The following MR1 variants were observed in gnomAD, a reference collection of about 807,000 sequenced individuals.
MR1 encodes the protein major histocompatibility complex class I-related protein 1.
MR1 carries 44 observed loss-of-function variants against 37.8 expected under a neutral mutation model. That is an observed-to-expected ratio of 1.16 (90% confidence interval 0.91 to 1.50). MR1 has a LOEUF of 1.50. MR1 is among the 40% of genes most tolerant of loss of function. MR1 has a pLI of 0.00. For synonymous variants in MR1, 153 were observed against 155.8 expected (o/e 0.98, Z 0.13); for missense variants, 386 against 419.1 (o/e 0.92, Z 0.69).
At chr1:181,051,475 T>C (rs562640660) in intron 3 of MR1, among the ~76,000 whole-genome samples, 3 of 152,020 alleles carry the variant, frequency 2.0e-5, no homozygotes, top group Non-Finnish European at 4.4e-5. Flanking sequence ...GGTTGGCCGA[T>C]GATAAGGTGG....
At chr1:181,047,292 C>T (rs1237501514) in intron 1 of MR1, among the ~76,000 whole-genome samples, 2 of 151,550 alleles carry the variant, frequency 1.3e-5, no homozygotes, top group East Asian at 1.9e-4. Context: ...AGGAAAAGCA[C>T]TGTGCTTTAA....
chr1:181,034,151 C>T (rs1051963160), intron 1 of MR1, 77 bp downstream of exon 1: 23 of 1,439,816 alleles, frequency 1.6e-5, no homozygotes, highest in African/African-American at 2.9e-5. Context: ...CTTCCTAAAA[C>T]TTGTGGTGAA....
At chr1:181,037,999 C>G (rs1657362538) in intron 1 of MR1, among the ~76,000 whole-genome samples, 1 of 152,192 alleles carries the variant, frequency 6.6e-6, no homozygotes, top group Non-Finnish European at 1.5e-5. Context: ...CTCTGCTTTA[C>G]TTTTCTTCAT....
In MR1 at chr1:181,034,025, G is replaced by T; in HGVS notation, c.18G>T (p.Ala6=). 6.2e-7 allele frequency: 1 copy of T among 1,612,724 alleles called. No homozygotes were observed. The change falls in exon 1 of 6, where the codon GCG becomes GCT. Residue 6 remains alanine (A), a synonymous_variant. Transcript: ENST00000367580. MGELM[A]FLLPLIIVLM... is the part of the protein sequence containing the mutation. Reference sequence around the variant, plus strand: ...GAAGGACTATGGGGGAACTGATGGCGTTCCTGTTACCTCTCATCATTGTGT... The same window carrying T: ...GAAGGACTATGGGGGAACTGATGGCTTTCCTGTTACCTCTCATCATTGTGT...
chr1:181,053,771 G>A lies in MR1; in HGVS notation c.985+94G>A, dbSNP rs187522902. On this transcript the variant is annotated intron_variant, in intron 5 of 5. Coordinates refer to ENST00000367580, the MANE Select transcript of MR1 (RefSeq NM_001385161.1). ...CACCTGCTGCTCCCTCCTCCATTCA[G>A]AAATGGCTTGGCTCTCAGGCTGGGA... The A allele has an allele frequency of 9.3e-3, 8,515 of 910,934 alleles. 54 individuals carry two copies. Among genetic ancestry groups the A allele is most frequent in the Non-Finnish European group, 0.012 (6,552 of 567,786 alleles). The allele number at this position is 910,934 out of a possible 1,614,324, so 56.4% of individuals were successfully genotyped here.
At chr1:181,049,761 C>T in intron 2 of MR1, 4 of 547,116 alleles carry the variant, frequency 7.3e-6, no homozygotes, top group Non-Finnish European at 1.3e-5. Flanking sequence ...CAGTCATTCC[C>T]ATTACAGGAT....
In MR1 at chr1:181,058,507, T is replaced by A. The variant is rs780737238; in HGVS notation, c.*3242T>A. 11 of 152,274 alleles carry A rather than the reference T, an allele frequency of 7.2e-5. No individual in the cohort carries two copies. Among genetic ancestry groups the A allele is most frequent in the Non-Finnish European group, 1.6e-4 (11 of 68,060 alleles). 9.4% of individuals were successfully genotyped at this position (152,274 alleles called of 1,614,324 possible). ...GACTCCATCGAGAGTTTCTGAGCTC[T>A]CCCATCAGGGGCCAGTCCTCCTTTC... On this transcript the variant is annotated 3_prime_UTR_variant, in exon 6 of 6. Transcript: ENST00000367580.
intron 1 of MR1, among the ~76,000 whole-genome samples, chr1:181,045,070 A>G (rs1401417741): frequency 6.6e-6 from 1 of 152,114 alleles, no homozygotes; most frequent in Non-Finnish European, 1.5e-5. Flanking sequence ...ACATATTTCA[A>G]GTTTGTTAGA....
intron 1 of MR1, among the ~76,000 whole-genome samples, chr1:181,038,411 C>T (rs1021602991): frequency 1.3e-5 from 2 of 152,170 alleles, no homozygotes; most frequent in Admixed American, 6.5e-5. Context: ...CCACGATGCT[C>T]GAAATTCTAA....
In MR1 at chr1:181,057,257, G is replaced by C. The variant is rs929065091; in HGVS notation, c.*1992G>C. On this transcript the variant is annotated 3_prime_UTR_variant, in exon 6 of 6. Coordinates refer to ENST00000367580, the MANE Select transcript of MR1 (RefSeq NM_001385161.1). ...ACATCTCTCTTTTCCGGTGCCTGTTGAGTTGCATAGAAGCACAGTTGTGTT... is the reference window on the plus strand; with the variant it reads ...ACATCTCTCTTTTCCGGTGCCTGTTCAGTTGCATAGAAGCACAGTTGTGTT... The C allele has an allele frequency of 2.0e-5, 3 of 152,232 alleles. No homozygotes were observed. Among genetic ancestry groups the C allele is most frequent in the African/African-American group, 7.2e-5 (3 of 41,448 alleles). The allele number at this position is 152,232 out of a possible 1,614,324, so 9.4% of individuals were successfully genotyped here.
In MR1 at chr1:181,049,098, C is replaced by A. The variant is rs1658120194; in HGVS notation, c.114C>A (p.Ile38=). The A allele has an allele frequency of 6.2e-7, 1 of 1,613,940 alleles. No individual in the cohort carries two copies. The change falls in exon 2 of 6, where the codon ATC becomes ATA. Residue 38 remains isoleucine (I), a synonymous_variant. Coordinates refer to ENST00000367580, the MANE Select transcript of MR1 (RefSeq NM_001385161.1). ...RYFRLGVSDP[I]HGVPEFISVG... ...TTCGCCTGGGCGTTTCGGATCCCATCCATGGGGTCCCTGAATTTATTTCGG... is the reference window on the plus strand; with the variant it reads ...TTCGCCTGGGCGTTTCGGATCCCATACATGGGGTCCCTGAATTTATTTCGG...
At chr1:181,048,908 G>T in intron 1 of MR1, 144 bp from the exon 2 acceptor site, 1 of 1,077,178 alleles carries the variant, frequency 9.3e-7, no homozygotes, top group Non-Finnish European at 1.3e-6. Flanking sequence ...GGGTTCTGTG[G>T]TTCTGTAAGA....
chr1:181,039,839 C>T (rs1657460108), intron 1 of MR1, among the ~76,000 whole-genome samples: 1 of 142,696 alleles, frequency 7.0e-6, no homozygotes, highest in African/African-American at 2.7e-5. Context: ...GCACTCCAGC[C>T]TGGGTGTCAG....
At chr1:181,035,676 A>G (rs182452365) in intron 1 of MR1, among the ~76,000 whole-genome samples, 9 of 152,302 alleles carry the variant, frequency 5.9e-5, no homozygotes, top group African/African-American at 1.9e-4. Flanking sequence ...TATTTGTAGT[A>G]GGTGAAGAAA....
intron 1 of MR1, among the ~76,000 whole-genome samples, chr1:181,035,056 G>A (rs1458654837): frequency 4.6e-5 from 7 of 151,990 alleles, no homozygotes; most frequent in South Asian, 2.1e-4. Flanking sequence ...ATCCTAGCAC[G>A]TTGAGAGGCC....
chr1:181,053,020 G>A (rs915396470), intron 4 of MR1, among the ~76,000 whole-genome samples: 5 of 151,876 alleles, frequency 3.3e-5, no homozygotes, highest in Admixed American at 6.6e-5. Context: ...AGCCGAGATC[G>A]CACCACTACA....
Position 181,050,147 on chromosome 1 carries a change from T to C in MR1, c.465T>C (p.Asp155=). Residue 155 remains aspartate, a synonymous_variant, in exon 3 of 6, where the codon GAT becomes GAC. Transcript: ENST00000367580. ...ACACCCTCTCCTGGCTGGCTGTAGA[T>C]AATGTGGCTCACACCATCAAGCAGG... ...NKDTLSWLAV[D]NVAHTIKQAW... 6.2e-7 allele frequency: 1 copy of C among 1,614,210 alleles called. No individual in the cohort carries two copies. The highest frequency in any genetic ancestry group is 8.5e-7 in the Non-Finnish European group (1 of 1,180,050).
intron 3 of MR1, chr1:181,051,179 C>T (rs1658296445): frequency 6.6e-6 from 1 of 151,734 alleles, no homozygotes; most frequent in Non-Finnish European, 1.5e-5. Context: ...ATGGGAAGCT[C>T]CCCTCTCCAG....
chr1:181,037,686 C>A (rs200200931), intron 1 of MR1, among the ~76,000 whole-genome samples: 2 of 152,038 alleles, frequency 1.3e-5, no homozygotes, highest in Non-Finnish European at 2.9e-5. Flanking sequence ...TTATATTTAT[C>A]GGGGAAAATC....
Sources: allele counts gnomAD v4.1 joint callset (sites outside exome capture counted in the v4.1 genomes callset), GRCh38; gene constraint gnomAD v4.1.1; transcripts MANE v1.5; gene names NCBI Gene and HGNC (gene_info 2026-07-23, HGNC 2026-07-21).